Variants in CACNA2D1 observed in about 807,000 individuals in gnomAD.
The protein encoded by CACNA2D1 is calcium voltage-gated channel auxiliary subunit alpha2delta 1, also known as voltage-dependent calcium channel subunit alpha-2/delta-1.
In CACNA2D1, 53 loss-of-function variants were observed where a neutral mutation model predicts 171.5. The ratio of observed to expected loss-of-function variants is 0.31; its 90% confidence interval spans 0.25 to 0.39. CACNA2D1 has a LOEUF of 0.39. CACNA2D1 is among the 10% of genes least tolerant of loss of function. The pLI, the probability that CACNA2D1 is intolerant of heterozygous loss-of-function variation, is 1.00. For missense variants in CACNA2D1, 903 were observed against 1,299.8 expected, an observed-to-expected ratio of 0.69 and a Z score of 4.69; for synonymous variants, 442 against 443.1, an observed-to-expected ratio of 1.00 and a Z score of 0.03.
intron 1 of CACNA2D1, among the ~76,000 whole-genome samples, chr7:82,382,756 T>C (rs1242431337): frequency 6.6e-6 from 1 of 152,226 alleles, no homozygotes; most frequent in Non-Finnish European, 1.5e-5. Flanking sequence ...AAAGATTAGA[T>C]GAATTATTGG....
chr7:82,034,768 T>C (rs1194928975), intron 11 of CACNA2D1, among the ~76,000 whole-genome samples: 1 of 152,050 alleles, frequency 6.6e-6, no homozygotes, highest in Non-Finnish European at 1.5e-5. Flanking sequence ...GAAAGTACTA[T>C]TATTGGATGC....
At chr7:82,096,089 C>A (rs1440852281) in intron 6 of CACNA2D1, among the ~76,000 whole-genome samples, 2 of 152,144 alleles carry the variant, frequency 1.3e-5, no homozygotes, top group African/African-American at 4.8e-5. Context: ...ATTTACTAAA[C>A]ACCTATTATG....
intron 24 of CACNA2D1, among the ~76,000 whole-genome samples, chr7:81,977,065 C>G (rs1427658961): frequency 1.3e-5 from 2 of 152,056 alleles, no homozygotes; most frequent in Non-Finnish European, 2.9e-5. Flanking sequence ...CCTGATTGCC[C>G]TGGCCAGAAC....
At chr7:82,328,382 C>A (rs114016502) in intron 3 of CACNA2D1, among the ~76,000 whole-genome samples, 2,188 of 152,178 alleles carry the variant, frequency 0.014, 41 homozygotes, top group Middle Eastern at 0.065. Flanking sequence ...TTTATATCTT[C>A]TGATTGTTCT....
At chr7:82,109,849 A>C (rs1485805329) in intron 6 of CACNA2D1, among the ~76,000 whole-genome samples, 1 of 152,156 alleles carries the variant, frequency 6.6e-6, no homozygotes, top group Non-Finnish European at 1.5e-5. Flanking sequence ...ACCTCCTTTG[A>C]TTGTAAAGAA....
intron 10 of CACNA2D1, among the ~76,000 whole-genome samples, chr7:82,048,763 G>T (rs1230202602): frequency 6.6e-6 from 1 of 151,728 alleles, no homozygotes; most frequent in Admixed American, 6.6e-5. Flanking sequence ...TATTGCTCAG[G>T]CCAGCCCAAG....
intron 4 of CACNA2D1, among the ~76,000 whole-genome samples, chr7:82,149,241 T>C (rs1218825421): frequency 6.6e-6 from 1 of 152,202 alleles, no homozygotes; most frequent in Non-Finnish European, 1.5e-5. Context: ...TTGAATCATC[T>C]GATGAATTAT....
rs549092628 is a variant in CACNA2D1 at position 82,117,259 on chromosome 7, A to G, written c.397-86T>C. 383 of 1,297,086 alleles carry G rather than the reference A, an allele frequency of 3.0e-4. 3 individuals carry two copies. Among genetic ancestry groups the G allele is most frequent in the Middle Eastern group, 7.6e-4 (4 of 5,246 alleles). 80.3% of individuals were successfully genotyped at this position (1,297,086 alleles called of 1,614,324 possible). A position where few individuals can be genotyped will look rare whatever the true frequency, so the allele number is the denominator to read the frequency against. Reference sequence around the variant, plus strand: ...GCACTTCTTTACTTGCCAAATGCATATTTTTCAAAAAATAAATCTACAACA... The same window carrying G: ...GCACTTCTTTACTTGCCAAATGCATGTTTTTCAAAAAATAAATCTACAACA... On this transcript the variant is annotated intron_variant, in intron 5 of 38. Transcript: ENST00000356860.
intron 5 of CACNA2D1, among the ~76,000 whole-genome samples, chr7:82,135,296 T>C (rs1201477240): frequency 6.6e-6 from 1 of 152,060 alleles, no homozygotes; most frequent in Admixed American, 6.6e-5. Context: ...CAAGTGCTAA[T>C]TATAATGGTG....
At chr7:82,111,144 G>A (rs1448187528) in intron 6 of CACNA2D1, among the ~76,000 whole-genome samples, 1 of 151,110 alleles carries the variant, frequency 6.6e-6, no homozygotes, top group Non-Finnish European at 1.5e-5. Context: ...TATATTTGAA[G>A]TTAGTTTTAA....
At chr7:82,121,511 A>G (rs920672086) in intron 5 of CACNA2D1, among the ~76,000 whole-genome samples, 2 of 152,202 alleles carry the variant, frequency 1.3e-5, no homozygotes, top group African/African-American at 4.8e-5. Context: ...GCCAGGTTGA[A>G]TATTAAATGA....
chr7:82,274,182 T>A (rs943384676), intron 3 of CACNA2D1, among the ~76,000 whole-genome samples: 1 of 152,026 alleles, frequency 6.6e-6, no homozygotes, highest in Admixed American at 6.6e-5. Flanking sequence ...TTTTCACATC[T>A]TCTCATGGCT....
chr7:82,278,715 CAG>C (rs1333531793), intron 3 of CACNA2D1, among the ~76,000 whole-genome samples: 2 of 152,034 alleles, frequency 1.3e-5, no homozygotes, highest in Admixed American at 1.3e-4. Context: ...ACAATTCAAA[CAG>C]AAATTAATAA....
chr7:82,135,927 T>C (rs539973023), intron 5 of CACNA2D1, among the ~76,000 whole-genome samples: 1 of 152,222 alleles, frequency 6.6e-6, no homozygotes, highest in African/African-American at 2.4e-5. Flanking sequence ...TACATAGGCA[T>C]TTTTTTGATC....
chr7:82,435,750 T>C (rs1172266792), intron 1 of CACNA2D1, among the ~76,000 whole-genome samples: 9 of 152,228 alleles, frequency 5.9e-5, no homozygotes, highest in African/African-American at 1.9e-4. Context: ...TTACTTTTTT[T>C]TTTTAATTTA....
chr7:82,330,409 C>T (rs908247225), intron 3 of CACNA2D1, among the ~76,000 whole-genome samples: 8 of 152,004 alleles, frequency 5.3e-5, no homozygotes, highest in Non-Finnish European at 7.4e-5. Flanking sequence ...CCAAAAAACC[C>T]TCCACTTTTT....
At chr7:82,356,900 T>C (rs1277466073) in intron 1 of CACNA2D1, among the ~76,000 whole-genome samples, 4 of 152,174 alleles carry the variant, frequency 2.6e-5, no homozygotes, top group Non-Finnish European at 2.9e-5. Context: ...AAAAGTCTTA[T>C]AATCCTTCTC....
intron 2 of CACNA2D1, among the ~76,000 whole-genome samples, chr7:82,340,352 T>C (rs956010886): frequency 2.0e-5 from 3 of 151,896 alleles, no homozygotes; most frequent in Non-Finnish European, 4.4e-5. Context: ...TTTTTTTTTT[T>C]TTTTAATAGG....
chr7:81,957,070 A>T (rs995486117), intron 38 of CACNA2D1, among the ~76,000 whole-genome samples: 1 of 152,168 alleles, frequency 6.6e-6, no homozygotes, highest in African/African-American at 2.4e-5. Context: ...TTTATTTTAA[A>T]AAGTAGAAAA....
Sources: gnomAD v4.1 joint callset for allele counts (sites outside exome capture counted in the v4.1 genomes callset) on GRCh38, gnomAD v4.1.1 for gene constraint, MANE v1.5 for transcripts, NCBI Gene and HGNC (gene_info 2026-07-23, HGNC 2026-07-21) for gene names.